The following AP3D1 variants were observed in gnomAD, a reference collection of about 807,000 sequenced individuals.
AP3D1 encodes adaptor related protein complex 3 subunit delta 1.
In AP3D1, 51 loss-of-function variants were observed where a neutral mutation model predicts 147.6. That is an observed-to-expected ratio of 0.35 (90% confidence interval 0.28 to 0.44). The LOEUF (loss-of-function observed/expected upper bound fraction) is 0.44. Ranked by LOEUF, AP3D1 falls within the 20% of genes least tolerant of loss-of-function variation. The probability of loss-of-function intolerance (pLI) is 1.00; values close to 1 mark genes in which losing one functional copy is unlikely to be tolerated. For missense variants in AP3D1, 1,421 were observed against 1,624.2 expected (o/e 0.87, Z 2.15); for synonymous variants, 760 against 663.0 (o/e 1.15, Z -2.25).
At chr19:2,113,508 C>T (rs1599448020) in intron 22 of AP3D1, 95 bp from the exon 23 acceptor site, 5 of 711,228 alleles carry the variant, frequency 7.0e-6, no homozygotes, top group South Asian at 2.6e-5. Flanking sequence ...CAGCTGCCCT[C>T]GCTGCCCCCA....
intron 14 of AP3D1, among the ~76,000 whole-genome samples, chr19:2,119,247 C>CT (rs1479482899): frequency 3.3e-5 from 5 of 152,208 alleles, no homozygotes; most frequent in Admixed American, 2.0e-4. Flanking sequence ...TTCTAGTCCA[C>CT]TTTTTTCCCA....
In AP3D1 at chr19:2,114,824, G is replaced by A. The variant is rs2018394088; in HGVS notation, c.2350-3C>T. 1 of 1,613,898 alleles carries A rather than the reference G, an allele frequency of 6.2e-7. No homozygotes were observed. The highest frequency in any genetic ancestry group is 8.5e-7 in the Non-Finnish European group (1 of 1,179,890). ...TCCTCGTCGCTGGGCAGAGCATTCT[G>A]ACAGGAAGAGAGGAACCCCATCACT... On this transcript the variant is annotated splice_region_variant and splice_polypyrimidine_tract_variant and intron_variant, in intron 20 of 31. Transcript: ENST00000643116.
intron 11 of AP3D1, among the ~76,000 whole-genome samples, chr19:2,122,641 G>A (rs1043212355): frequency 1.3e-5 from 2 of 152,216 alleles, no homozygotes; most frequent in African/African-American, 4.8e-5. Flanking sequence ...TAGTAACTAA[G>A]AACAGAACAA....
chr19:2,129,577 T>G (rs2018878309), intron 6 of AP3D1, 120 bp from the exon 7 acceptor site: 16 of 1,255,884 alleles, frequency 1.3e-5, no homozygotes, highest in Non-Finnish European at 1.6e-5. Flanking sequence ...AACATGGCCC[T>G]GGCTCTGCCA....
intron 22 of AP3D1, 145 bp downstream of exon 22, chr19:2,113,980 T>C: frequency 1.4e-6 from 2 of 1,398,262 alleles, no homozygotes; most frequent in Non-Finnish European, 1.9e-6. Flanking sequence ...ATGTCCTCAC[T>C]CCGCCGGGGC....
intron 21 of AP3D1, 133 bp downstream of exon 21, chr19:2,114,614 TG>T: frequency 1.3e-6 from 1 of 741,814 alleles, no homozygotes; most frequent in Non-Finnish European, 2.3e-6. Context: ...GGACGTGGTC[TG>T]GGGAAGGCCC....
chr19:2,134,088 A>C (rs2019017534), intron 4 of AP3D1, among the ~76,000 whole-genome samples: 1 of 151,806 alleles, frequency 6.6e-6, no homozygotes, highest in South Asian at 2.1e-4. Flanking sequence ...ACAGAGTGAG[A>C]CTCTGTCTCA....
intron 5 of AP3D1, among the ~76,000 whole-genome samples, chr19:2,132,028 C>T (rs971596287): frequency 6.6e-6 from 1 of 152,198 alleles, no homozygotes; most frequent in Non-Finnish European, 1.5e-5. Flanking sequence ...ACAGATGTTT[C>T]TGGGGCCAAA....
chr19:2,157,590 G>T (rs376382766), intron 1 of AP3D1, among the ~76,000 whole-genome samples: 2 of 88,736 alleles, frequency 2.3e-5, no homozygotes, highest in African/African-American at 9.4e-5. Context: ...TCCACCCACC[G>T]ACTCATCCAT....
chr19:2,150,809 AAC>A (rs1001794923), intron 1 of AP3D1, among the ~76,000 whole-genome samples: 1 of 152,098 alleles, frequency 6.6e-6, no homozygotes. Flanking sequence ...GTGATTCGGA[AAC>A]ACACTCAGGT....
Position 2,114,087 on chromosome 19 carries a change from G to C in AP3D1, c.2601+38C>G, listed in dbSNP as rs754890225. 1.2e-5 allele frequency: 19 copies of C among 1,538,684 alleles called. No individual in the cohort carries two copies. The South Asian group carries it at 2.1e-4, about 17-fold the overall frequency. ...TCCTGGGAGTTCACGGCAAGGGAGG[G>C]GAATGGAGAAGGCCGCCGCCCTGGG... On this transcript the variant is annotated intron_variant, in intron 22 of 31. Transcript: ENST00000643116.
At chr19:2,137,465 G>A (rs921015414) in intron 3 of AP3D1, among the ~76,000 whole-genome samples, 5 of 151,978 alleles carry the variant, frequency 3.3e-5, no homozygotes, top group Admixed American at 6.6e-5. Context: ...AGCCGCGTGC[G>A]CCACCACGCC....
chr19:2,116,032 G>C (rs1368364756), intron 18 of AP3D1, among the ~76,000 whole-genome samples, 175 bp downstream of exon 18: 1 of 152,246 alleles, frequency 6.6e-6, no homozygotes, highest in East Asian at 1.9e-4. Flanking sequence ...AGGCTCGAAT[G>C]AATGGGGCCC....
In AP3D1 at chr19:2,129,442, G is replaced by A. The variant is rs2018872986; in HGVS notation, c.608C>T (p.Ala203Val). The A allele has an allele frequency of 1.9e-6, 3 of 1,613,896 alleles. No homozygotes were observed. Among genetic ancestry groups the A allele is most frequent in the Non-Finnish European group, 2.5e-6 (3 of 1,179,836 alleles). Residue 203 changes from alanine to valine, a missense_variant, in exon 7 of 32, where the codon GCC becomes GTC. Ala to Val is a moderately conservative substitution (Grantham distance 64). This residue lies in a region of AP3D1 where 292 missense variants were observed against 412.0 expected (regional missense o/e 0.71). Transcript: ENST00000643116. ...EDPDPGVQSA[A>V]VNVICELARR... ...GGCCAGCTCGCAGATGACATTGACG[G>A]CAGCCGACTGAACCCCTGGGGAACA... is the stretch of plus-strand genomic sequence containing the variant.
At chr19:2,161,896 T>A (rs961974710) in intron 1 of AP3D1, among the ~76,000 whole-genome samples, 3 of 151,824 alleles carry the variant, frequency 2.0e-5, no homozygotes, top group Non-Finnish European at 2.9e-5. Context: ...TTGTAGTGAC[T>A]GGAGATCCCA....
At chr19:2,110,618 G>C in intron 27 of AP3D1, 89 bp downstream of exon 27, 2 of 1,354,962 alleles carry the variant, frequency 1.5e-6, no homozygotes, top group Admixed American at 4.8e-5. Context: ...TGGGGAGGAA[G>C]CAACAAGAAC....
Position 2,129,418 on chromosome 19 carries a change from G to A in AP3D1, c.632C>T (p.Ala211Val), listed in dbSNP as rs1370944666. ...SAAVNVICEL[A>V]RRNPKNYLSL... ...CAGGTAGTTCTTAGGGTTGCGTCTG[G>A]CCAGCTCGCAGATGACATTGACGGC... The change falls in exon 7 of 32, where the codon GCC becomes GTC. Residue 211 changes from alanine (A) to valine (V), a missense_variant. Physicochemically the swap from Ala to Val is moderately conservative, Grantham distance 64. Coordinates refer to ENST00000643116, the MANE Select transcript of AP3D1 (RefSeq NM_001261826.3). The A allele has an allele frequency of 6.2e-7, 1 of 1,613,968 alleles. No homozygotes were observed. The highest frequency in any genetic ancestry group is 1.3e-5 in the African/African-American group (1 of 74,908).
At position 2,102,155 on chromosome 19, in the gene AP3D1, G is replaced by A. The variant is rs576247354; in HGVS notation, c.*18C>T. On this transcript the variant is annotated 3_prime_UTR_variant, in exon 32 of 32. Coordinates refer to ENST00000643116, the MANE Select transcript of AP3D1 (RefSeq NM_001261826.3). ...GGGTACGTGCTCCGCGGGGTGGTGC[G>A]GGGCTCGCAGGCAGCTCTCAACACT... 5.6e-6 allele frequency: 9 copies of A among 1,604,274 alleles called. No homozygotes were observed. In the South Asian group the frequency reaches 6.6e-5, roughly 12 times the overall value.
chr19:2,121,947 G>T, intron 11 of AP3D1, 68 bp from the exon 12 acceptor site: 1 of 1,505,500 alleles, frequency 6.6e-7, no homozygotes. Flanking sequence ...CAGGGCCCAC[G>T]GCTCTCCGGG....
Sources: gnomAD v4.1 joint callset for allele counts (sites outside exome capture counted in the v4.1 genomes callset) on GRCh38, gnomAD v4.1.1 for gene constraint, gnomAD v4.1.1 regional missense constraint, MANE v1.5 for transcripts, NCBI Gene and HGNC (gene_info 2026-07-23, HGNC 2026-07-21) for gene names.